The following EXOC4 variants were observed in gnomAD, a reference collection of about 807,000 sequenced individuals.
EXOC4 encodes the protein SEC8-like 1.
A neutral mutation model predicts 107.2 loss-of-function variants in EXOC4; 71 were observed. The ratio of observed to expected loss-of-function variants is 0.66; its 90% CI spans 0.55 to 0.81. The LOEUF is 0.81. EXOC4 is among the 30% of genes least tolerant of loss of function. The pLI is 0.00. For synonymous variants in EXOC4, 456 were observed against 441.2 expected (o/e 1.03, Z -0.42); for missense variants, 1,108 against 1,189.6 (o/e 0.93, Z 1.01).
intron 10 of EXOC4, among the ~76,000 whole-genome samples, chr7:133,669,334 GAGATCCA>G (rs969259077): frequency 2.2e-4 from 34 of 152,082 alleles, no homozygotes. Context: ...AATGCAGGGC[GAGATCCA>G]CACATCACAT....
At chr7:133,666,545 G>T (rs977355165) in intron 10 of EXOC4, among the ~76,000 whole-genome samples, 10 of 152,026 alleles carry the variant, frequency 6.6e-5, no homozygotes, top group Non-Finnish European at 8.8e-5. Flanking sequence ...TGCTAATGGG[G>T]ATGGAAACAT....
At chr7:133,256,818 G>C (rs975446335) in intron 1 of EXOC4, among the ~76,000 whole-genome samples, 7 of 151,824 alleles carry the variant, frequency 4.6e-5, no homozygotes, top group Admixed American at 4.6e-4. Flanking sequence ...TAAGGACAGA[G>C]TATGTGTAGG....
chr7:133,313,924 A>G (rs543825256), intron 4 of EXOC4, among the ~76,000 whole-genome samples: 1 of 152,230 alleles, frequency 6.6e-6, no homozygotes, highest in Non-Finnish European at 1.5e-5. Flanking sequence ...GGATTACTGT[A>G]CATCAGCTGT....
intron 14 of EXOC4, among the ~76,000 whole-genome samples, chr7:133,953,546 G>A (rs1192615728): frequency 6.6e-6 from 1 of 152,088 alleles, no homozygotes; most frequent in Admixed American, 6.6e-5. Context: ...AGCTACTAGG[G>A]AGGCTAAGGT....
chr7:133,582,060 T>C (rs1207308344), intron 9 of EXOC4, among the ~76,000 whole-genome samples: 2 of 151,974 alleles, frequency 1.3e-5, no homozygotes, highest in Non-Finnish European at 2.9e-5. Flanking sequence ...TCCCCTGACA[T>C]GTGGGGATTG....
At chr7:133,996,805 G>A (rs1456208095) in intron 14 of EXOC4, among the ~76,000 whole-genome samples, 1 of 152,182 alleles carries the variant, frequency 6.6e-6, no homozygotes, top group Non-Finnish European at 1.5e-5. Context: ...AAATTGGAAT[G>A]TTTTGGTAGG....
chr7:133,579,934 A>T lies in EXOC4; in HGVS notation c.1418-50111A>T, dbSNP rs557983447. 2.6e-5 allele frequency among the ~76,000 whole-genome samples: 4 copies of T among 152,256 alleles called. No individual in the cohort carries two copies. The South Asian group carries it at 8.3e-4, about 32-fold the overall frequency. ...ATGGTCTTGATCTCTTGACCTTGTGATCTGCCCGCCTTGGCCTCCCAAAGT... is the reference window on the plus strand; with the variant it reads ...ATGGTCTTGATCTCTTGACCTTGTGTTCTGCCCGCCTTGGCCTCCCAAAGT... On this transcript the variant is annotated intron_variant, in intron 9 of 17. Transcript: ENST00000253861.
the EXOC4 span, among the ~76,000 whole-genome samples, chr7:134,073,665 T>C: frequency 7.0e-5 from 7 of 99,842 alleles, no homozygotes; most frequent in Non-Finnish European, 1.1e-4. Context: ...TGTCACATTC[T>C]TTTTTTTTTT....
intron 10 of EXOC4, among the ~76,000 whole-genome samples, chr7:133,753,758 G>A (rs73724731): frequency 0.017 from 2,581 of 152,288 alleles, 69 homozygotes; most frequent in African/African-American, 0.059. Context: ...AGTGTATTTA[G>A]TGGCGTGAAC....
At chr7:133,620,016 T>G (rs1225186565) in intron 9 of EXOC4, among the ~76,000 whole-genome samples, 1 of 150,786 alleles carries the variant, frequency 6.6e-6, no homozygotes, top group Non-Finnish European at 1.5e-5. Flanking sequence ...GTGTTTGTTT[T>G]TTTTTGTTGT....
chr7:133,596,558 C>T (rs892029438), intron 9 of EXOC4, among the ~76,000 whole-genome samples: 1 of 152,124 alleles, frequency 6.6e-6, no homozygotes, highest in Admixed American at 6.5e-5. Context: ...TCACTCTTCC[C>T]CCCAATAATG....
intron 5 of EXOC4, among the ~76,000 whole-genome samples, chr7:133,345,867 T>C (rs1224166853): frequency 6.6e-6 from 1 of 152,188 alleles, no homozygotes; most frequent in Non-Finnish European, 1.5e-5. Flanking sequence ...GTATTGTCTG[T>C]AGTTTTCTTT....
chr7:133,779,204 G>A (rs1245329071), intron 10 of EXOC4, among the ~76,000 whole-genome samples: 1 of 152,094 alleles, frequency 6.6e-6, no homozygotes, highest in Non-Finnish European at 1.5e-5. Context: ...ACAGGGTTTT[G>A]CTTTCTGATA....
At chr7:133,658,198 T>A (rs1030055432) in intron 10 of EXOC4, among the ~76,000 whole-genome samples, 1 of 152,046 alleles carries the variant, frequency 6.6e-6, no homozygotes, top group Admixed American at 6.6e-5. Context: ...GCGAGAGAGA[T>A]CCCAATACAT....
At chr7:134,078,302 A>C in the EXOC4 span, among the ~76,000 whole-genome samples, 1 of 151,618 alleles carries the variant, frequency 6.6e-6, no homozygotes, top group Non-Finnish European at 1.5e-5. Context: ...ACAGAAAAAA[A>C]ACTATAATAG....
intron 13 of EXOC4, among the ~76,000 whole-genome samples, chr7:133,937,145 T>C (rs1733029952): frequency 6.6e-6 from 1 of 152,138 alleles, no homozygotes; most frequent in African/African-American, 2.4e-5. Context: ...CCCTTCCAGC[T>C]TCATCCTTTG....
In EXOC4 at chr7:133,848,286, G is replaced by A. The variant is rs904897841; in HGVS notation, c.1734+30742G>A. The stretch of plus-strand genomic sequence containing the variant: ...AGAGGAGAAGAGGAGGATGCCCCCA[G>A]GGTCTGTGATATTTTTATATCAACT... On this transcript the variant is annotated intron_variant, in intron 11 of 17. Coordinates refer to ENST00000253861, the MANE Select transcript of EXOC4 (RefSeq NM_021807.4). Among the ~76,000 whole-genome samples the A allele has an allele frequency of 9.9e-5, 15 of 152,142 alleles. 1 individual carries two copies. The highest frequency in any genetic ancestry group is 1.9e-4 in the Non-Finnish European group (13 of 68,032).
intron 9 of EXOC4, among the ~76,000 whole-genome samples, chr7:133,572,837 C>T (rs1038404610): frequency 6.6e-6 from 1 of 152,138 alleles, no homozygotes; most frequent in Non-Finnish European, 1.5e-5. Flanking sequence ...TTTAAAAAGG[C>T]TTATGACCAG....
At chr7:133,779,986 G>A (rs185004982) in intron 10 of EXOC4, among the ~76,000 whole-genome samples, 1 of 152,262 alleles carries the variant, frequency 6.6e-6, no homozygotes, top group East Asian at 1.9e-4. Flanking sequence ...CATTCTTTAA[G>A]TCAGCGAGAC....
Sources: gnomAD v4.1 joint callset for allele counts (sites outside exome capture counted in the v4.1 genomes callset) on GRCh38, gnomAD v4.1.1 for gene constraint, MANE v1.5 for transcripts, NCBI Gene and HGNC (gene_info 2026-07-23, HGNC 2026-07-21) for gene names.